Variants in FLNB observed in about 807,000 individuals in gnomAD.
FLNB encodes the protein filamin-B.
FLNB carries 111 observed loss-of-function variants against 250.6 expected under a neutral mutation model. That is an observed-to-expected ratio of 0.44 (90% CI 0.38 to 0.52). FLNB has a LOEUF of 0.52. Among genes scored for constraint, FLNB ranks in the 20% least tolerant of loss-of-function variants. The pLI, the probability that FLNB is intolerant of heterozygous loss-of-function variation, is 0.00. For synonymous variants in FLNB, 1,302 were observed against 1,372.1 expected (o/e 0.95, Z 1.13); for missense variants, 2,869 against 3,447.8 (o/e 0.83, Z 4.20).
intron 23 of FLNB, among the ~76,000 whole-genome samples, chr3:58,126,008 TGTAA>T (rs1395463458): frequency 6.6e-6 from 1 of 152,186 alleles, no homozygotes; most frequent in Non-Finnish European, 1.5e-5. Flanking sequence ...TAGCCAACCT[TGTAA>T]GTATTTTTAT....
At chr3:58,038,528 A>G (rs1373410781) in intron 1 of FLNB, among the ~76,000 whole-genome samples, 2 of 151,258 alleles carry the variant, frequency 1.3e-5, no homozygotes, top group East Asian at 2.0e-4. Context: ...GGCTCAAGCA[A>G]TCCTTCCGCC....
chr3:58,123,703 T>TA lies in FLNB; in HGVS notation c.3724+36dup, dbSNP rs56147140. On this transcript the variant is annotated intron_variant, in intron 21 of 45. Transcript: ENST00000295956. ...ATAGAAGGGAAAGGTGGGTTTCATT[T>TA]AAAAAAAAAAAAAAAAAAAAAAAGA... 0.027 allele frequency: 29,752 copies of TA among 1,105,808 alleles called. 10 individuals carry two copies. The highest frequency in any genetic ancestry group is 0.03 in the Non-Finnish European group (24,031 of 808,922). 68.5% of individuals were successfully genotyped at this position (1,105,808 alleles called of 1,614,324 possible).
intron 1 of FLNB, among the ~76,000 whole-genome samples, chr3:58,063,287 A>T (rs2097181057): frequency 6.6e-6 from 1 of 152,146 alleles, no homozygotes; most frequent in Admixed American, 6.5e-5. Context: ...CCATCCCTGC[A>T]CCATGCCTTT....
intron 1 of FLNB, among the ~76,000 whole-genome samples, chr3:58,055,170 A>G (rs1203637007): frequency 6.6e-6 from 1 of 151,972 alleles, no homozygotes; most frequent in African/African-American, 2.4e-5. Context: ...GGGTGTCGAG[A>G]CACGAGAATT....
intron 12 of FLNB, among the ~76,000 whole-genome samples, chr3:58,107,895 TC>T: frequency 6.6e-6 from 1 of 152,276 alleles, no homozygotes; most frequent in Admixed American, 6.5e-5. Flanking sequence ...AGATTCTGAG[TC>T]CCCTCAAAGT....
intron 1 of FLNB, among the ~76,000 whole-genome samples, chr3:58,070,651 T>G (rs1294586637): frequency 7.6e-6 from 1 of 131,256 alleles, no homozygotes; most frequent in African/African-American, 3.7e-5. Flanking sequence ...CCCATCTCTC[T>G]CTCTCTCTCT....
chr3:58,010,338 C>T (rs773758216), intron 1 of FLNB, among the ~76,000 whole-genome samples: 6 of 152,190 alleles, frequency 3.9e-5, no homozygotes, highest in Non-Finnish European at 2.9e-5. Context: ...TGAGCCTCCC[C>T]TGGGCCTTAG....
At chr3:58,050,764 G>C (rs971007803) in intron 1 of FLNB, among the ~76,000 whole-genome samples, 1 of 152,204 alleles carries the variant, frequency 6.6e-6, no homozygotes, top group African/African-American at 2.4e-5. Context: ...TCCTGAAATG[G>C]GGTGGCTGAG....
chr3:58,049,491 A>G (rs763214149), intron 1 of FLNB, among the ~76,000 whole-genome samples: 4 of 152,208 alleles, frequency 2.6e-5, no homozygotes, highest in Non-Finnish European at 5.9e-5. Context: ...CAGTGATGTC[A>G]TCAGCTGGAA....
At chr3:58,146,083 G>A (rs112674604) in intron 33 of FLNB, 34 bp downstream of exon 33, 14 of 1,613,280 alleles carry the variant, frequency 8.7e-6, no homozygotes, top group Non-Finnish European at 1.1e-5. Flanking sequence ...TACGCCTCCA[G>A]CTGTCCATTT....
At chr3:58,145,537 A>G (rs1019456333) in intron 32 of FLNB, among the ~76,000 whole-genome samples, 6 of 152,188 alleles carry the variant, frequency 3.9e-5, no homozygotes, top group African/African-American at 1.2e-4. Flanking sequence ...TACAGGTTGA[A>G]TGGCATGGGC....
At chr3:58,081,232 C>G (rs1219891120) in intron 3 of FLNB, among the ~76,000 whole-genome samples, 1 of 152,100 alleles carries the variant, frequency 6.6e-6, no homozygotes. Flanking sequence ...AAGGAAAAAG[C>G]TGGTTAACCT....
Position 58,134,675 on chromosome 3 carries a change from C to G in FLNB, c.4574C>G (p.Pro1525Arg). Residue 1525 changes from proline to arginine, a missense_variant, in exon 27 of 46, where the codon CCC becomes CGC. By Grantham distance (103) the Pro-to-Arg change is moderately radical. Transcript: ENST00000295956. Reference sequence around the variant, plus strand: ...GCCAGCAAAGTGACTGCCAGTGGCCCCGGCCTTAGTTCCTATGGTGTGCCT... The same window carrying G: ...GCCAGCAAAGTGACTGCCAGTGGCCGCGGCCTTAGTTCCTATGGTGTGCCT... ...YDASKVTASGPGLSSYGVPAS... is the reference protein window; with the variant it reads ...YDASKVTASGRGLSSYGVPAS... The G allele has an allele frequency of 6.2e-7, 1 of 1,614,142 alleles. No individual in the cohort carries two copies. Among genetic ancestry groups the G allele is most frequent in the South Asian group, 1.1e-5 (1 of 91,076 alleles).
intron 1 of FLNB, among the ~76,000 whole-genome samples, chr3:58,044,341 A>G (rs1445149572): frequency 1.3e-5 from 2 of 152,150 alleles, no homozygotes; most frequent in South Asian, 2.1e-4. Context: ...TCATGCCTCT[A>G]TACCCAGCAC....
chr3:58,080,913 C>T (rs2097208353), intron 3 of FLNB, among the ~76,000 whole-genome samples: 1 of 151,796 alleles, frequency 6.6e-6, no homozygotes, highest in African/African-American at 2.4e-5. Flanking sequence ...CCTGCCTCAG[C>T]CTCCCTAGTA....
chr3:58,141,558 A>G (rs1039040476), intron 29 of FLNB, among the ~76,000 whole-genome samples: 1 of 152,158 alleles, frequency 6.6e-6, no homozygotes, highest in Non-Finnish European at 1.5e-5. Flanking sequence ...TTAGTTTTGC[A>G]CGACCACAGA....
At position 58,118,936 on chromosome 3, in the gene FLNB, G is replaced by C; in HGVS notation, c.2810G>C (p.Gly937Ala). The change falls in exon 19 of 46, where the codon GGT (glycine) becomes GCT (alanine). Residue 937 changes from glycine (G) to alanine (A), a missense_variant. Gly to Ala is a moderately conservative substitution (Grantham distance 60). Coordinates refer to ENST00000295956, the MANE Select transcript of FLNB (RefSeq NM_001457.4). ...ATCCCTAAAAGCCCTTTCACTGTGGGTGTTGCTGCACCGCTGGATCTGAGC... is the reference window on the plus strand; with the variant it reads ...ATCCCTAAAAGCCCTTTCACTGTGGCTGTTGCTGCACCGCTGGATCTGAGC... ...DPIPKSPFTV[G>A]VAAPLDLSKI... is the part of the protein sequence containing the mutation. 6.2e-7 allele frequency: 1 copy of C among 1,614,154 alleles called. No individual in the cohort carries two copies. The highest frequency in any genetic ancestry group is 8.5e-7 in the Non-Finnish European group (1 of 1,180,010).
intron 1 of FLNB, among the ~76,000 whole-genome samples, chr3:58,026,202 C>T (rs936751630): frequency 1.3e-5 from 2 of 152,128 alleles, no homozygotes; most frequent in Non-Finnish European, 2.9e-5. Flanking sequence ...GGGGGACTGC[C>T]AGGGTTACAT....
rs945067243 is a variant in FLNB, at chr3:58,123,434, C to T, written c.3468C>T (p.Val1156=). The T allele has an allele frequency of 4.3e-6, 7 of 1,612,474 alleles. No homozygotes were observed. Among genetic ancestry groups the T allele is most frequent in the South Asian group, 1.1e-5 (1 of 91,024 alleles). Residue 1156 remains valine, a synonymous_variant, in exon 21 of 46, where the codon GTC becomes GTT. Transcript: ENST00000295956. ...TGGGTGAAGCTGGCCTCCTTAGCGT[C>T]GACTGCTCGGAAGCGGGACCGGGGG... ...GKVGEAGLLS[V]DCSEAGPGAL... is the part of the protein sequence containing the mutation.
Sources: gnomAD v4.1 joint callset for allele counts (sites outside exome capture counted in the v4.1 genomes callset) on GRCh38, gnomAD v4.1.1 for gene constraint, MANE v1.5 for transcripts, NCBI Gene and HGNC (gene_info 2026-07-23, HGNC 2026-07-21) for gene names.